RNF130: variants seen among roughly 807,000 people sequenced by gnomAD.
RNF130 encodes the protein ring finger protein 130.
A neutral mutation model predicts 44.6 loss-of-function variants in RNF130; 21 were observed. The ratio of observed to expected loss-of-function variants is 0.47; its 90% CI spans 0.33 to 0.68. The LOEUF (loss-of-function observed/expected upper bound fraction) is 0.68. Among genes scored for constraint, RNF130 ranks in the 30% least tolerant of loss-of-function variants. The probability of loss-of-function intolerance (pLI) is 0.02; values close to 1 mark genes in which losing one functional copy is unlikely to be tolerated. For synonymous variants in RNF130, 214 were observed against 210.4 expected (o/e 1.02, Z -0.15); for missense variants, 479 against 560.6 (o/e 0.85, Z 1.47).
At chr5:179,943,971 G>A (rs1445401026) in intron 7 of RNF130, among the ~76,000 whole-genome samples, 2 of 151,620 alleles carry the variant, frequency 1.3e-5, no homozygotes, top group African/African-American at 4.8e-5. Context: ...TTATTTCTGA[G>A]AAATTTTTTT....
intron 3 of RNF130, among the ~76,000 whole-genome samples, chr5:179,985,026 C>T (rs1366000723): frequency 6.6e-6 from 1 of 152,022 alleles, no homozygotes; most frequent in South Asian, 2.1e-4. Flanking sequence ...TCATAGCTGC[C>T]CCTTGAACAA....
intron 2 of RNF130, among the ~76,000 whole-genome samples, chr5:180,021,334 T>C (rs981352902): frequency 6.6e-5 from 10 of 152,098 alleles, no homozygotes; most frequent in Admixed American, 3.3e-4. Flanking sequence ...GGTTCTCTCC[T>C]CCGGAAAAAC....
rs566990885 is a variant in RNF130 at position 179,973,676 on chromosome 5, T to C, written c.849-3170A>G. On this transcript the variant is annotated intron_variant, in intron 5 of 8. Coordinates refer to ENST00000521389, the MANE Select transcript of RNF130 (RefSeq NM_018434.6). ...GGCTCTGGGCTCTCATTATGGAAGG[T>C]GCTCCATGGACACCCAGGAGGCCTC... is the stretch of plus-strand genomic sequence containing the variant. 4.6e-5 allele frequency among the ~76,000 whole-genome samples: 7 copies of C among 152,130 alleles called. No individual in the cohort carries two copies. The South Asian group carries it at 1.5e-3, about 32-fold the overall frequency.
chr5:179,940,225 CTTTTT>C (rs899496168), intron 7 of RNF130: 3 of 151,502 alleles, frequency 2.0e-5, no homozygotes, highest in Non-Finnish European at 2.9e-5. Context: ...TGTTCACTTT[CTTTTT>C]TTTCTTTTTT....
chr5:179,991,318 T>C (rs1365075800), intron 3 of RNF130, among the ~76,000 whole-genome samples: 2 of 152,264 alleles, frequency 1.3e-5, no homozygotes, highest in Admixed American at 1.3e-4. Context: ...CTATATGTCA[T>C]GGTGAAGTCC....
intron 5 of RNF130, among the ~76,000 whole-genome samples, chr5:179,974,478 C>T (rs1762670522): frequency 6.6e-6 from 1 of 152,218 alleles, no homozygotes; most frequent in Non-Finnish European, 1.5e-5. Flanking sequence ...CATCTGTCCA[C>T]AGTAAATAGT....
intron 2 of RNF130, among the ~76,000 whole-genome samples, chr5:180,034,502 C>T (rs915639706): frequency 2.6e-5 from 4 of 151,962 alleles, no homozygotes; most frequent in Middle Eastern, 3.2e-3. Context: ...ATATTTAATC[C>T]CCAATTCAAT....
rs573209518 is a variant in RNF130, at chr5:179,966,977, C to A, written c.979G>T (p.Asp327Tyr). ...NLPCTDNVAFDMERLTRTQAV... is the reference protein window; with the variant it reads ...NLPCTDNVAFYMERLTRTQAV... ...TGGGTTCTGGTGAGCCTTTCCATATCGAATGCTACGTTATCAGTACATGGC... is the reference window on the plus strand; with the variant it reads ...TGGGTTCTGGTGAGCCTTTCCATATAGAATGCTACGTTATCAGTACATGGC... The change falls in exon 7 of 9, where the codon GAT becomes TAT. Residue 327 changes from aspartate (D) to tyrosine (Y), a missense_variant. Coordinates refer to ENST00000521389, the MANE Select transcript of RNF130 (RefSeq NM_018434.6). 6 of 1,614,176 alleles carry A rather than the reference C, an allele frequency of 3.7e-6. No homozygotes were observed. Among genetic ancestry groups the A allele is most frequent in the Non-Finnish European group, 5.1e-6 (6 of 1,180,014 alleles).
At position 180,071,442 on chromosome 5, in the gene RNF130, G is replaced by A. The variant is rs1319334991; in HGVS notation, c.247+14C>T. 4.9e-6 allele frequency: 6 copies of A among 1,233,738 alleles called. No homozygotes were observed. Among genetic ancestry groups the A allele is most frequent in the Non-Finnish European group, 5.1e-6 (5 of 987,816 alleles). The allele number at this position is 1,233,738 out of a possible 1,614,324, so 76.4% of individuals were successfully genotyped here. ...GCAGCGACCACCGCCCGCCGCCCCCGGGCCGGCACTCACCTCCGTGGAGGG... is the reference window on the plus strand; with the variant it reads ...GCAGCGACCACCGCCCGCCGCCCCCAGGCCGGCACTCACCTCCGTGGAGGG... On this transcript the variant is annotated intron_variant, in intron 1 of 8. Coordinates refer to ENST00000521389, the MANE Select transcript of RNF130 (RefSeq NM_018434.6).
At chr5:180,001,563 A>C (rs1205031475) in intron 3 of RNF130, among the ~76,000 whole-genome samples, 1 of 152,078 alleles carries the variant, frequency 6.6e-6, no homozygotes, top group East Asian at 1.9e-4. Flanking sequence ...GGCATTCTGG[A>C]AGTTTGGGTC....
At chr5:180,064,800 A>G (rs556370069) in intron 1 of RNF130, among the ~76,000 whole-genome samples, 1 of 152,300 alleles carries the variant, frequency 6.6e-6, no homozygotes, top group South Asian at 2.1e-4. Flanking sequence ...ACTAGAATTA[A>G]GTCTTCCATG....
At chr5:179,920,100 G>A (rs963725403) in exon 8 of RNF130, 12 of 472,074 alleles carry the variant, frequency 2.5e-5, no homozygotes, top group Non-Finnish European at 4.2e-5. Context: ...CAGCTTGGGC[G>A]GGTTTTCAAT....
At chr5:179,967,170 TTC>T (rs1762469934) in intron 6 of RNF130, among the ~76,000 whole-genome samples, 160 bp from the exon 7 acceptor site, 2 of 152,226 alleles carry the variant, frequency 1.3e-5, no homozygotes, top group Admixed American at 6.5e-5. Context: ...CTACTCCTTC[TTC>T]TCTCACCCTA....
chr5:179,969,769 C>T (rs920943288), intron 6 of RNF130, among the ~76,000 whole-genome samples: 14 of 152,134 alleles, frequency 9.2e-5, no homozygotes, highest in Non-Finnish European at 1.9e-4. Context: ...GCGGGTGGAT[C>T]ACCTGAGGTC....
intron 7 of RNF130, among the ~76,000 whole-genome samples, chr5:179,964,771 C>T (rs1762405398): frequency 6.6e-6 from 1 of 152,158 alleles, no homozygotes; most frequent in African/African-American, 2.4e-5. Context: ...ATTTCTCTGC[C>T]CACCTTAGCT....
intron 7 of RNF130, among the ~76,000 whole-genome samples, chr5:179,948,656 T>A (rs1213570345): frequency 6.6e-6 from 1 of 151,876 alleles, no homozygotes; most frequent in Admixed American, 6.6e-5. Context: ...GGATGATAGA[T>A]AGAGCGAGAC....
At chr5:179,933,031 A>G (rs1761831843) in intron 7 of RNF130, among the ~76,000 whole-genome samples, 2 of 152,248 alleles carry the variant, frequency 1.3e-5, no homozygotes. Flanking sequence ...AAAAATAATC[A>G]TAAGGTACAA....
chr5:179,928,754 G>A (rs1006091863), intron 7 of RNF130, among the ~76,000 whole-genome samples: 3 of 150,596 alleles, frequency 2.0e-5, no homozygotes, highest in Non-Finnish European at 3.0e-5. Context: ...TCAGCCTCCC[G>A]AGTAGCTGGG....
intron 7 of RNF130, among the ~76,000 whole-genome samples, chr5:179,939,104 C>T (rs1341746315): frequency 3.3e-5 from 5 of 152,122 alleles, no homozygotes; most frequent in African/African-American, 1.2e-4. Context: ...TTAGTCCCAG[C>T]TGCTTGGGGG....
Sources: gnomAD v4.1 joint callset for allele counts (sites outside exome capture counted in the v4.1 genomes callset) on GRCh38, gnomAD v4.1.1 for gene constraint, MANE v1.5 for transcripts, NCBI Gene and HGNC (gene_info 2026-07-23, HGNC 2026-07-21) for gene names.